The following GAPDH variants were observed in gnomAD, a reference collection of about 807,000 sequenced individuals.
The protein encoded by GAPDH is glyceraldehyde-3-phosphate dehydrogenase.
A neutral mutation model predicts 31.2 loss-of-function variants in GAPDH; 13 were observed. The observed-to-expected ratio is 0.42, with a 90% CI of 0.27 to 0.66. The LOEUF (loss-of-function observed/expected upper bound fraction) is 0.66, where lower values mean the gene tolerates loss of function less well. Among genes scored for constraint, GAPDH ranks in the 30% least tolerant of loss-of-function variants. The pLI is 0.26. For synonymous variants in GAPDH, 211 were observed against 166.9 expected, an observed-to-expected ratio of 1.26 and a Z score of -2.04; for missense variants, 300 against 443.7, an observed-to-expected ratio of 0.68 and a Z score of 2.91.
rs192090590 is a variant in GAPDH at position 6,538,228 on chromosome 12, C to T, written c.*58C>T. The stretch of plus-strand genomic sequence containing the variant: ...AAGAGGAAGAGAGAGACCCTCACTG[C>T]TGGGGAGTCCCTGCCACACTCAGTC... On this transcript the variant is annotated 3_prime_UTR_variant, in exon 9 of 9. Transcript: ENST00000229239. The T allele has an allele frequency of 1.5e-6, 2 of 1,375,130 alleles. No individual in the cohort carries two copies. The highest frequency in any genetic ancestry group is 4.6e-5 in the East Asian group (2 of 43,828). The allele number at this position is 1,375,130 out of a possible 1,614,324, so 85.2% of individuals were successfully genotyped here. A position where few individuals can be genotyped will look rare whatever the true frequency, so the allele number is the denominator to read the frequency against.
intron 1 of GAPDH, 62 bp downstream of exon 1, chr12:6,534,631 C>T (rs1309669521): frequency 1.1e-5 from 7 of 614,838 alleles, no homozygotes; most frequent in Non-Finnish European, 2.0e-5. Flanking sequence ...CAGGGGCGGG[C>T]GCAGGCCGGA....
At chr12:6,535,236 G>C (rs1946437671) in intron 2 of GAPDH, 1 of 1,083,436 alleles carries the variant, frequency 9.2e-7, no homozygotes, top group Non-Finnish European at 1.1e-6. Flanking sequence ...CAGGCCCCGG[G>C]ATGCTAGTGC....
At chr12:6,534,940 C>T in intron 2 of GAPDH, 79 bp downstream of exon 2, 1 of 1,494,880 alleles carries the variant, frequency 6.7e-7, no homozygotes, top group Non-Finnish European at 9.3e-7. Context: ...GGCTCCGGGT[C>T]TTTGCAGTCG....
At chr12:6,535,530 T>G (rs1060621) in intron 2 of GAPDH, 165,975 of 842,918 alleles carry the variant, frequency 0.2, 16,801 homozygotes, top group East Asian at 0.37. Flanking sequence ...AGAGGTGTGG[T>G]GGCTGTGGCA....
rs559414721 is a variant in GAPDH at position 6,534,540 on chromosome 12, A to T, written c.-53A>T. ...TCGCTCTCTGCTCCTCCTGTTCGACAGTCAGCCGCATCTTCTTTTGCGTCG... is the reference window on the plus strand; with the variant it reads ...TCGCTCTCTGCTCCTCCTGTTCGACTGTCAGCCGCATCTTCTTTTGCGTCG... On this transcript the variant is annotated 5_prime_UTR_variant, in exon 1 of 9. Coordinates refer to ENST00000229239, the MANE Select transcript of GAPDH (RefSeq NM_002046.7). 2.0e-6 allele frequency: 1 copy of T among 495,920 alleles called. No homozygotes were observed. Among genetic ancestry groups the T allele is most frequent in the Non-Finnish European group, 3.6e-6 (1 of 275,498 alleles). 30.7% of individuals were successfully genotyped at this position (495,920 alleles called of 1,614,324 possible).
In GAPDH at chr12:6,538,082, A is replaced by G; in HGVS notation, c.939-19A>G. On this transcript the variant is annotated intron_variant, in intron 8 of 8. Transcript: ENST00000229239. ...GCTGGCTCAGAAAAAGGGCCCTGAC[A>G]ACTCTTTTCATCTTCTAGGTATGAC... 6.3e-7 allele frequency: 1 copy of G among 1,598,864 alleles called. No homozygotes were observed. The highest frequency in any genetic ancestry group is 8.5e-7 in the Non-Finnish European group (1 of 1,179,514).
In GAPDH at chr12:6,536,940, A is replaced by G. The variant is rs552376556; in HGVS notation, c.257A>G (p.Lys86Arg). The change falls in exon 5 of 9, where the codon AAG becomes AGG. Residue 86 changes from lysine to arginine, a missense_variant. Coordinates refer to ENST00000229239, the MANE Select transcript of GAPDH (RefSeq NM_002046.7). The stretch of plus-strand genomic sequence containing the variant: ...CATAGGCGAGATCCCTCCAAAATCA[A>G]GTGGGGCGATGCTGGCGCTGAGTAC... ...IFQERDPSKI[K>R]WGDAGAEYVV... is the part of the protein sequence containing the mutation. 12 of 1,613,496 alleles carry G rather than the reference A, an allele frequency of 7.4e-6. No individual in the cohort carries two copies. The highest frequency in any genetic ancestry group is 7.6e-6 in the Non-Finnish European group (9 of 1,179,830).
Position 6,537,470 on chromosome 12 carries a change from A to G in GAPDH, c.525+80A>G. On this transcript the variant is annotated intron_variant, in intron 7 of 8. Coordinates refer to ENST00000229239, the MANE Select transcript of GAPDH (RefSeq NM_002046.7). This position sits in a 1 kb window ranked among gnomAD's most constrained non-coding sequence, Gnocchi z 4.9. ...CTCCTCCCTGCCGGGGCTGCGTGCA[A>G]CCCTGGGGTTGGGGGTTCTGGGGAC... 6.3e-7 allele frequency: 1 copy of G among 1,579,562 alleles called. No individual in the cohort carries two copies. Among genetic ancestry groups the G allele is most frequent in the Non-Finnish European group, 8.7e-7 (1 of 1,152,600 alleles).
At chr12:6,534,756 G>A in intron 1 of GAPDH, 54 bp from the exon 2 acceptor site, 1 of 1,468,104 alleles carries the variant, frequency 6.8e-7, no homozygotes, top group Non-Finnish European at 9.5e-7. Flanking sequence ...GGGAGGGGAG[G>A]CGTGTGTGTC....
intron 2 of GAPDH, chr12:6,535,515 C>T (rs1021741013): frequency 4.4e-6 from 4 of 907,278 alleles, no homozygotes; most frequent in Non-Finnish European, 4.0e-6. Context: ...GTGTCCCCTC[C>T]CCGCAGAGGT....
chr12:6,537,315 C>G lies in GAPDH; in HGVS notation c.450C>G (p.Ala150=). 1 of 1,611,216 alleles carries G rather than the reference C, an allele frequency of 6.2e-7. No homozygotes were observed. Among genetic ancestry groups the G allele is most frequent in the South Asian group, 1.1e-5 (1 of 91,080 alleles). ...YDNSLKIISN[A]SCTTNCLAPL... is the part of the protein sequence containing the mutation. ...GCTCCCTCTTTCTTTGCAGCAATGC[C>G]TCCTGCACCACCAACTGCTTAGCAC... Residue 150 remains alanine, a synonymous_variant, in exon 7 of 9, where the codon GCC becomes GCG. Coordinates refer to ENST00000229239, the MANE Select transcript of GAPDH (RefSeq NM_002046.7). The surrounding 1 kb of genome is among the most constrained non-coding windows in gnomAD (Gnocchi z 4.9).
rs573939770 is a variant in GAPDH, at chr12:6,536,610, G to A, written c.129+17G>A. The A allele has an allele frequency of 3.7e-6, 6 of 1,610,722 alleles. No homozygotes were observed. The African/African-American group carries it at 6.7e-5, about 18-fold the overall frequency. On this transcript the variant is annotated intron_variant, in intron 3 of 8. Coordinates refer to ENST00000229239, the MANE Select transcript of GAPDH (RefSeq NM_002046.7). ...AACTACATGGTGAGTGCTACATGGTGAGCCCCAAAGCTGGTGTGGGAGGAG... is the reference window on the plus strand; with the variant it reads ...AACTACATGGTGAGTGCTACATGGTAAGCCCCAAAGCTGGTGTGGGAGGAG...
chr12:6,537,083 T>C lies in GAPDH; in HGVS notation c.328-18T>C. On this transcript the variant is annotated intron_variant, in intron 5 of 8. Coordinates refer to ENST00000229239, the MANE Select transcript of GAPDH (RefSeq NM_002046.7). The surrounding 1 kb of genome is among the most constrained non-coding windows in gnomAD (Gnocchi z 4.9). ...AAGGCAGGACCCGGGTTCATAACTGTCTGCTTCTCTGCTGTAGGCTCATTT... is the reference window on the plus strand; with the variant it reads ...AAGGCAGGACCCGGGTTCATAACTGCCTGCTTCTCTGCTGTAGGCTCATTT... 3 of 1,609,288 alleles carry C rather than the reference T, an allele frequency of 1.9e-6. No homozygotes were observed. Among genetic ancestry groups the C allele is most frequent in the Middle Eastern group, 1.7e-4 (1 of 6,054 alleles).
At chr12:6,536,644 C>CT (rs1362987544) in intron 3 of GAPDH, 40 bp from the exon 4 acceptor site, 1 of 1,603,422 alleles carries the variant, frequency 6.2e-7, no homozygotes, top group Non-Finnish European at 8.5e-7. Context: ...AGCCACCTGG[C>CT]TGATGGGCAG....
At chr12:6,536,393 A>G (rs1946465522) in intron 2 of GAPDH, 101 bp from the exon 3 acceptor site, 1 of 834,258 alleles carries the variant, frequency 1.2e-6, no homozygotes, top group East Asian at 2.4e-5. Context: ...GGGGGTAAGG[A>G]GATGCTGCAT....
intron 2 of GAPDH, chr12:6,535,283 G>T (rs1946438904): frequency 2.5e-5 from 25 of 1,013,196 alleles, no homozygotes; most frequent in Non-Finnish European, 3.0e-5. Context: ...CTGCGCCTGC[G>T]GTAGAGCGGC....
intron 2 of GAPDH, among the ~76,000 whole-genome samples, chr12:6,536,032 G>A (rs78014708): frequency 0.019 from 2,966 of 152,292 alleles, 98 homozygotes; most frequent in African/African-American, 0.066. Flanking sequence ...TTTGTAGGAG[G>A]GACTTAGAGA....
At chr12:6,535,174 C>A in intron 2 of GAPDH, 1 of 1,104,426 alleles carries the variant, frequency 9.1e-7, no homozygotes, top group Non-Finnish European at 1.1e-6. Context: ...CTTTCGCGCT[C>A]TGCGGGGTCA....
At position 6,537,064 on chromosome 12, in the gene GAPDH, G is replaced by A. The variant is rs982259127; in HGVS notation, c.328-37G>A. ...AAGCTGACTCAGCCCTGCAAAGGCA[G>A]GACCCGGGTTCATAACTGTCTGCTT... On this transcript the variant is annotated intron_variant, in intron 5 of 8. Transcript: ENST00000229239. This position sits in a 1 kb window ranked among gnomAD's most constrained non-coding sequence, Gnocchi z 4.9. 6.2e-7 allele frequency: 1 copy of A among 1,608,268 alleles called. No individual in the cohort carries two copies. The highest frequency in any genetic ancestry group is 1.7e-5 in the Admixed American group (1 of 59,364).
Sources: gnomAD v4.1 joint callset for allele counts (sites outside exome capture counted in the v4.1 genomes callset) on GRCh38, gnomAD v4.1.1 for gene constraint, Gnocchi (gnomAD v3.1) non-coding constraint, MANE v1.5 for transcripts, NCBI Gene and HGNC (gene_info 2026-07-23, HGNC 2026-07-21) for gene names.